The following PDE4D variants were observed in gnomAD, a reference collection of about 807,000 sequenced individuals.
PDE4D encodes phosphodiesterase 4D.
Under a neutral mutation model 87.4 loss-of-function variants are expected in PDE4D, and 24 were observed. That is an observed-to-expected ratio of 0.27 (90% CI 0.20 to 0.39). PDE4D has a LOEUF of 0.39. Among genes scored for constraint, PDE4D ranks in the 10% least tolerant of loss-of-function variants. The pLI, the probability that PDE4D is intolerant of heterozygous loss-of-function variation, is 1.00. For synonymous variants in PDE4D, 384 were observed against 383.2 expected, an observed-to-expected ratio of 1.00 and a Z score of -0.02; for missense variants, 714 against 1,041.0, an observed-to-expected ratio of 0.69 and a Z score of 4.32.
intron 1 of PDE4D, among the ~76,000 whole-genome samples, chr5:59,491,551 T>C (rs1806182999): frequency 6.6e-6 from 1 of 152,194 alleles, no homozygotes; most frequent in Non-Finnish European, 1.5e-5. Context: ...GAAAGCTTTC[T>C]CTGTAGTCTC....
chr5:59,427,829 A>G (rs1467274045), intron 1 of PDE4D, among the ~76,000 whole-genome samples: 1 of 151,992 alleles, frequency 6.6e-6, no homozygotes, highest in Non-Finnish European at 1.5e-5. Context: ...AAAAAAAAAA[A>G]AAAAAAGAAA....
At chr5:59,120,477 C>T (rs543078952) in intron 5 of PDE4D, among the ~76,000 whole-genome samples, 1 of 152,138 alleles carries the variant, frequency 6.6e-6, no homozygotes, top group East Asian at 1.9e-4. Flanking sequence ...ACAATGTAAG[C>T]TCTCAAGAAC....
chr5:60,100,523 T>C (rs1306454504), intron 2 of PDE4D, among the ~76,000 whole-genome samples: 1 of 151,984 alleles, frequency 6.6e-6, no homozygotes, highest in African/African-American at 2.4e-5. Flanking sequence ...GGTTTTGCCT[T>C]CCCTCATCCA....
intron 1 of PDE4D, among the ~76,000 whole-genome samples, chr5:59,878,375 TCAAA>T (rs1230414238): frequency 2.0e-5 from 3 of 152,150 alleles, no homozygotes; most frequent in African/African-American, 7.2e-5. Flanking sequence ...TTTCCCCCAC[TCAAA>T]CAAGCTAAAA....
intron 2 of PDE4D, among the ~76,000 whole-genome samples, chr5:60,114,978 A>ATGGATGGATGGATGGATGGC (rs145654898): frequency 0.041 from 6,176 of 149,276 alleles, 172 homozygotes; most frequent in Middle Eastern, 0.067. Flanking sequence ...GGATGGATGG[A>ATGGATGGATGGATGGATGGC]TGGCTAGATA....
chr5:59,750,582 C>T (rs1330137888), intron 1 of PDE4D, among the ~76,000 whole-genome samples: 1 of 152,142 alleles, frequency 6.6e-6, no homozygotes, highest in African/African-American at 2.4e-5. Context: ...CTATACTGTA[C>T]TTGTCTTTCT....
At chr5:59,053,633 G>GTTTTTTTTTTT (rs1761871402) in intron 5 of PDE4D, among the ~76,000 whole-genome samples, 1 of 93,862 alleles carries the variant, frequency 1.1e-5, no homozygotes, top group African/African-American at 4.6e-5. Context: ...GAATTAAGTT[G>GTTTTTTTTTTT]TTTTGTTTTT....
In PDE4D at chr5:60,115,137, T is replaced by A. The variant is rs114550441; in HGVS notation, c.42+70420A>T. On this transcript the variant is annotated intron_variant, in intron 2 of 16. Transcript: ENST00000502484. ...TTTTGAAAAAACTTCCCCAGTGTAC[T>A]GACAGAATGTGGTTCTCCTATTCTT... 2.7e-3 allele frequency among the ~76,000 whole-genome samples: 408 copies of A among 152,254 alleles called. 1 individual carries two copies. Among genetic ancestry groups the A allele is most frequent in the Non-Finnish European group, 5.0e-3 (338 of 67,998 alleles).
chr5:59,272,954 G>A (rs1038085694), intron 1 of PDE4D, among the ~76,000 whole-genome samples: 1 of 152,092 alleles, frequency 6.6e-6, no homozygotes, highest in East Asian at 1.9e-4. Context: ...ACTTCCAAAC[G>A]TAATGTTTGG....
chr5:59,020,996 C>T (rs1348725279), intron 6 of PDE4D, among the ~76,000 whole-genome samples: 1 of 152,042 alleles, frequency 6.6e-6, no homozygotes, highest in Non-Finnish European at 1.5e-5. Flanking sequence ...TTCTAGTTTC[C>T]CCAGGAAGAG....
chr5:59,036,580 T>C (rs750129579), intron 6 of PDE4D, among the ~76,000 whole-genome samples: 2 of 152,240 alleles, frequency 1.3e-5, no homozygotes, highest in Non-Finnish European at 2.9e-5. Flanking sequence ...ATGTGGCTTA[T>C]TCATGCCCTT....
At chr5:60,210,325 T>G (rs1220058591) in intron 1 of PDE4D, among the ~76,000 whole-genome samples, 1 of 151,688 alleles carries the variant, frequency 6.6e-6, no homozygotes, top group Non-Finnish European at 1.5e-5. Flanking sequence ...TTGATTTACC[T>G]CAAAAAAGAG....
chr5:58,980,317 G>C (rs944045088), intron 11 of PDE4D, among the ~76,000 whole-genome samples: 3 of 152,100 alleles, frequency 2.0e-5, no homozygotes, highest in African/African-American at 7.2e-5. Flanking sequence ...GCCAGTAAGT[G>C]CTGGGGCCAG....
intron 1 of PDE4D, among the ~76,000 whole-genome samples, chr5:59,262,195 A>G (rs1762115898): frequency 6.6e-6 from 1 of 151,922 alleles, no homozygotes; most frequent in African/African-American, 2.4e-5. Context: ...ATATTTCACC[A>G]TTGTCTCTCT....
intron 1 of PDE4D, among the ~76,000 whole-genome samples, chr5:60,336,721 G>A (rs920599684): frequency 1.3e-5 from 2 of 152,062 alleles, no homozygotes; most frequent in African/African-American, 2.4e-5. Flanking sequence ...TAGGATCCAT[G>A]GTCTCTTCTT....
At chr5:60,384,051 T>C (rs1341606466) in intron 1 of PDE4D, among the ~76,000 whole-genome samples, 6 of 152,136 alleles carry the variant, frequency 3.9e-5, no homozygotes, top group Non-Finnish European at 7.4e-5. Flanking sequence ...TTATTCAAAA[T>C]TCAAAGGGGC....
chr5:59,762,728 G>A (rs1762280209), intron 1 of PDE4D, among the ~76,000 whole-genome samples: 1 of 146,762 alleles, frequency 6.8e-6, no homozygotes, highest in Non-Finnish European at 1.5e-5. Flanking sequence ...GTTCATATAG[G>A]TATATATAAT....
intron 5 of PDE4D, among the ~76,000 whole-genome samples, chr5:59,110,780 G>A (rs1209270825): frequency 6.6e-6 from 1 of 152,162 alleles, no homozygotes; most frequent in Admixed American, 6.5e-5. Context: ...GCAGAGGTGG[G>A]AAGATCGCTT....
At chr5:60,389,795 A>C (rs1762443417) in intron 1 of PDE4D, among the ~76,000 whole-genome samples, 1 of 152,106 alleles carries the variant, frequency 6.6e-6, no homozygotes, top group Non-Finnish European at 1.5e-5. Flanking sequence ...CCATTTCTGA[A>C]GGTCTGCACC....
Sources: allele counts gnomAD v4.1 joint callset (sites outside exome capture counted in the v4.1 genomes callset), GRCh38; gene constraint gnomAD v4.1.1; transcripts MANE v1.5; gene names NCBI Gene and HGNC (gene_info 2026-07-23, HGNC 2026-07-21).